DENND11: variants seen among roughly 807,000 people sequenced by gnomAD.
DENND11 encodes the protein DENN domain-containing protein 11.
In DENND11, 34 loss-of-function variants were observed where a neutral mutation model predicts 49.2. The observed-to-expected ratio is 0.69, with a 90% CI of 0.53 to 0.92. DENND11 has a LOEUF of 0.92. Ranked by LOEUF, DENND11 falls within the 40% of genes least tolerant of loss-of-function variation. DENND11 has a pLI of 0.00. For missense variants in DENND11, 475 were observed against 581.6 expected (o/e 0.82, Z 1.88); for synonymous variants, 238 against 230.3 (o/e 1.03, Z -0.30).
chr7:141,665,107 C>A, intron 6 of DENND11, 53 bp from the exon 7 acceptor site: 3 of 1,609,632 alleles, frequency 1.9e-6, no homozygotes, highest in East Asian at 4.5e-5. Flanking sequence ...CACTGGGAAA[C>A]AAGGCGCCCA....
chr7:141,699,709 A>C (rs970422526), intron 1 of DENND11, among the ~76,000 whole-genome samples: 3 of 152,226 alleles, frequency 2.0e-5, no homozygotes, highest in African/African-American at 7.2e-5. Flanking sequence ...ACTTACAGTC[A>C]AGTATTTATT....
intron 1 of DENND11, among the ~76,000 whole-genome samples, chr7:141,699,937 C>T (rs750238849): frequency 6.6e-6 from 1 of 152,166 alleles, no homozygotes; most frequent in Admixed American, 6.5e-5. Context: ...CACACACACA[C>T]ACACACTCCG....
At chr7:141,692,435 G>T (rs1229917257) in intron 1 of DENND11, among the ~76,000 whole-genome samples, 2 of 152,100 alleles carry the variant, frequency 1.3e-5, no homozygotes, top group South Asian at 4.1e-4. Flanking sequence ...CAGACAAATA[G>T]ATTAATGGAA....
chr7:141,677,366 G>A lies in DENND11; in HGVS notation c.528-3146C>T, dbSNP rs148645504. 7.4e-3 allele frequency among the ~76,000 whole-genome samples: 1,078 copies of A among 145,470 alleles called. 12 individuals carry two copies. Among genetic ancestry groups the A allele is most frequent in the Non-Finnish European group, 9.3e-3 (622 of 66,834 alleles). On this transcript the variant is annotated intron_variant, in intron 3 of 8. Transcript: ENST00000536163. ...AGATCACGCCATTGCATCCAGCCTG[G>A]GTGACAGAGCGAGACTCTTGTCTCA...
intron 3 of DENND11, among the ~76,000 whole-genome samples, chr7:141,676,930 TA>T (rs1430010408): frequency 1.3e-5 from 2 of 152,122 alleles, no homozygotes; most frequent in African/African-American, 2.4e-5. Context: ...TCAGAAGCCA[TA>T]GGCTGCTGGG....
rs1192142091 is a variant in DENND11, at chr7:141,660,281, T to C, written c.*2375A>G. 1 of 152,174 alleles carries C rather than the reference T, an allele frequency of 6.6e-6. No individual in the cohort carries two copies. Among genetic ancestry groups the C allele is most frequent in the Non-Finnish European group, 1.5e-5 (1 of 68,046 alleles). 9.4% of individuals were successfully genotyped at this position (152,174 alleles called of 1,614,324 possible). On this transcript the variant is annotated 3_prime_UTR_variant, in exon 9 of 9. Transcript: ENST00000536163. ...CTCTCTTAAAGGGAGAAGTTCTGCA[T>C]TGGGGTCAGCTGAGCCCAAGGCCCC...
chr7:141,701,231 C>G (rs906876050), intron 1 of DENND11, among the ~76,000 whole-genome samples: 3 of 152,086 alleles, frequency 2.0e-5, no homozygotes, highest in South Asian at 2.1e-4. Flanking sequence ...CTCCTTTAAT[C>G]AGCCTTCAGC....
intron 3 of DENND11, among the ~76,000 whole-genome samples, chr7:141,680,672 A>G (rs901527333): frequency 1.3e-5 from 2 of 151,618 alleles, no homozygotes; most frequent in Admixed American, 6.5e-5. Context: ...GAAGTTGAAC[A>G]CAGCACCTCT....
At chr7:141,667,362 CAG>C (rs1797911659) in intron 4 of DENND11, among the ~76,000 whole-genome samples, 1 of 152,190 alleles carries the variant, frequency 6.6e-6, no homozygotes, top group Admixed American at 6.5e-5. Context: ...CATTTACTAA[CAG>C]GGAGATCTGG....
chr7:141,688,685 T>A (rs1055506411), intron 1 of DENND11, among the ~76,000 whole-genome samples: 1 of 152,194 alleles, frequency 6.6e-6, no homozygotes, highest in Non-Finnish European at 1.5e-5. Context: ...ACCATCCATG[T>A]CTATTACCTT....
intron 1 of DENND11, among the ~76,000 whole-genome samples, chr7:141,700,187 G>A (rs1798484738): frequency 6.6e-6 from 1 of 152,152 alleles, no homozygotes; most frequent in African/African-American, 2.4e-5. Context: ...GTGTGAATGT[G>A]CCCTTTCTAT....
intron 8 of DENND11, 76 bp from the exon 9 acceptor site, chr7:141,662,927 A>G: frequency 9.4e-7 from 1 of 1,068,368 alleles, no homozygotes; most frequent in Non-Finnish European, 1.3e-6. Context: ...ACATATGGGG[A>G]ACCAAAACTA....
At chr7:141,696,038 T>C (rs1324875518) in intron 1 of DENND11, among the ~76,000 whole-genome samples, 2 of 152,216 alleles carry the variant, frequency 1.3e-5, no homozygotes, top group African/African-American at 4.8e-5. Flanking sequence ...TAAAGGAACT[T>C]GGACTAACCG....
Position 141,661,154 on chromosome 7 carries a change from G to A in DENND11, c.*1502C>T, listed in dbSNP as rs549001912. On this transcript the variant is annotated 3_prime_UTR_variant, in exon 9 of 9. Transcript: ENST00000536163. ...TTATTTCTCCCTGCTGTGTACATTA[G>A]TCTGGCTGGGTGTTGGTCACAGACA... The A allele has an allele frequency of 2.6e-4, 40 of 152,310 alleles. No homozygotes were observed. Among genetic ancestry groups the A allele is most frequent in the African/African-American group, 8.7e-4 (36 of 41,580 alleles). The allele number at this position is 152,310 out of a possible 1,614,324, so 9.4% of individuals were successfully genotyped here.
rs1245053945 is a variant in DENND11 at position 141,659,445 on chromosome 7, G to C, written c.*3211C>G. 1 of 152,200 alleles carries C rather than the reference G, an allele frequency of 6.6e-6. No homozygotes were observed. Among genetic ancestry groups the C allele is most frequent in the Admixed American group, 6.5e-5 (1 of 15,290 alleles). 9.4% of individuals were successfully genotyped at this position (152,200 alleles called of 1,614,324 possible). On this transcript the variant is annotated 3_prime_UTR_variant, in exon 9 of 9. Transcript: ENST00000536163. ...CCTTGTGGAGAGTCCTAAGCCAGGG[G>C]CCAACTGGACATTTTCCCAAAGGCT...
At chr7:141,674,012 TACTATTCCCAGATACAG>T in intron 4 of DENND11, 38 bp downstream of exon 4, 7 of 1,551,720 alleles carry the variant, frequency 4.5e-6, no homozygotes, top group Non-Finnish European at 6.1e-6. Flanking sequence ...AATCAACAGC[TACTATTCCCAGATACAG>T]ATCCAGTATA....
chr7:141,686,456 C>T (rs1798243975), intron 2 of DENND11, 103 bp downstream of exon 2: 4 of 694,188 alleles, frequency 5.8e-6, no homozygotes, highest in Admixed American at 2.5e-5. Context: ...AAGGCATTTA[C>T]ACACAGCACA....
intron 3 of DENND11, among the ~76,000 whole-genome samples, chr7:141,685,032 ATATATAT>A (rs1563002195): frequency 1.8e-3 from 168 of 91,634 alleles, no homozygotes; most frequent in East Asian, 4.1e-3. Context: ...AAAAAAAAAT[ATATATAT>A]ATATATATAT....
Position 141,665,207 on chromosome 7 carries a change from A to AC in DENND11, c.931dup (p.Val311GlyfsTer22). 1 of 1,612,662 alleles carries AC rather than the reference A, an allele frequency of 6.2e-7. No homozygotes were observed. The highest frequency in any genetic ancestry group is 8.5e-7 in the Non-Finnish European group (1 of 1,179,420). ...CTCACAGGCCACATAGGACACCTCT[A>AC]CCTCCAGGCTCTCGATGTCAGCCAC... On this transcript the variant is annotated frameshift_variant, in exon 6 of 9. Transcript: ENST00000536163. LOFTEE classifies it high-confidence loss of function.
Sources: allele counts gnomAD v4.1 joint callset (sites outside exome capture counted in the v4.1 genomes callset), GRCh38; gene constraint gnomAD v4.1.1; transcripts MANE v1.5; gene names NCBI Gene and HGNC (gene_info 2026-07-23, HGNC 2026-07-21).